Variants in TMEM117 observed in about 807,000 individuals in gnomAD.
TMEM117 encodes the protein transmembrane protein 117.
Under a neutral mutation model 52.4 loss-of-function variants are expected in TMEM117, and 27 were observed. That is an observed-to-expected ratio of 0.51 (90% CI 0.38 to 0.71). The LOEUF (loss-of-function observed/expected upper bound fraction) is 0.71, where lower values mean the gene tolerates loss of function less well. Among genes scored for constraint, TMEM117 ranks in the 30% least tolerant of loss-of-function variants. The pLI is 0.00. For synonymous variants in TMEM117, 215 were observed against 206.3 expected, an observed-to-expected ratio of 1.04 and a Z score of -0.36; for missense variants, 556 against 630.5, an observed-to-expected ratio of 0.88 and a Z score of 1.26.
chr12:43,940,135 T>G (rs1001016759), intron 2 of TMEM117, among the ~76,000 whole-genome samples: 8 of 152,314 alleles, frequency 5.3e-5, no homozygotes, highest in Admixed American at 3.3e-4. Flanking sequence ...CCAACATTCA[T>G]GTAGTCATCC....
intron 5 of TMEM117, among the ~76,000 whole-genome samples, chr12:44,213,670 T>C (rs1464629625): frequency 2.0e-5 from 3 of 152,106 alleles, no homozygotes; most frequent in Non-Finnish European, 4.4e-5. Context: ...GTTCACGTGA[T>C]AGTGAGGTCT....
chr12:43,846,794 T>G (rs77708558), intron 2 of TMEM117, among the ~76,000 whole-genome samples: 5,699 of 152,068 alleles, frequency 0.037, 270 homozygotes, highest in African/African-American at 0.1. Flanking sequence ...TGGTCTAGAG[T>G]TTGGGTTAGA....
At chr12:43,923,658 G>T (rs1944730778) in intron 2 of TMEM117, among the ~76,000 whole-genome samples, 2 of 152,090 alleles carry the variant, frequency 1.3e-5, no homozygotes, top group Non-Finnish European at 2.9e-5. Flanking sequence ...GAAGTTGGAG[G>T]TTTGCATATT....
chr12:44,013,141 G>A (rs1946321659), intron 3 of TMEM117, among the ~76,000 whole-genome samples: 3 of 151,464 alleles, frequency 2.0e-5, no homozygotes, highest in African/African-American at 2.4e-5. Context: ...CGATCCTTCC[G>A]CCTCAGCCTC....
intron 3 of TMEM117, among the ~76,000 whole-genome samples, chr12:43,999,806 T>C (rs140478117): frequency 6.6e-6 from 1 of 152,146 alleles, no homozygotes; most frequent in African/African-American, 2.4e-5. Context: ...ATAGATGGAT[T>C]TTTGAAATTA....
chr12:44,325,685 T>C (rs1023246549), intron 6 of TMEM117, among the ~76,000 whole-genome samples: 1 of 152,194 alleles, frequency 6.6e-6, no homozygotes, highest in African/African-American at 2.4e-5. Context: ...CTGAGTTTTA[T>C]TTGTTGAGAT....
At chr12:44,084,657 C>G (rs1288909363) in intron 3 of TMEM117, among the ~76,000 whole-genome samples, 1 of 152,106 alleles carries the variant, frequency 6.6e-6, no homozygotes, top group Non-Finnish European at 1.5e-5. Context: ...CTTGAATTCC[C>G]AAGATCTGTC....
chr12:44,030,358 C>T lies in TMEM117; in HGVS notation c.410+86016C>T, dbSNP rs769854284. 3.9e-5 allele frequency among the ~76,000 whole-genome samples: 6 copies of T among 152,306 alleles called. No individual in the cohort carries two copies. In the South Asian group the frequency reaches 6.2e-4, roughly 16 times the overall value. On this transcript the variant is annotated intron_variant, in intron 3 of 7. Transcript: ENST00000266534. ...GCCTGGGGACATGTGGAGTTAGCCA[C>T]GCTGTCTAGCTATGCTGGATTCAGC...
At chr12:43,904,688 G>C (rs563078880) in intron 2 of TMEM117, among the ~76,000 whole-genome samples, 1 of 152,148 alleles carries the variant, frequency 6.6e-6, no homozygotes, top group East Asian at 1.9e-4. Flanking sequence ...CCATTTCCCT[G>C]GTCCTAAACA....
At chr12:43,998,681 C>T (rs184803595) in intron 3 of TMEM117, among the ~76,000 whole-genome samples, 7 of 152,274 alleles carry the variant, frequency 4.6e-5, no homozygotes, top group Non-Finnish European at 1.0e-4. Context: ...TTCACCAGAA[C>T]TCCAACAGCA....
chr12:44,097,687 G>A (rs1947792111), intron 3 of TMEM117, among the ~76,000 whole-genome samples: 1 of 148,504 alleles, frequency 6.7e-6, no homozygotes, highest in South Asian at 2.1e-4. Context: ...GACATAGGAA[G>A]GGGAACATCA....
chr12:43,820,581 A>ATT, the TMEM117 span, among the ~76,000 whole-genome samples: 184 of 135,138 alleles, frequency 1.4e-3, 1 homozygote, highest in Non-Finnish European at 2.3e-3. Flanking sequence ...CCACAGGCGT[A>ATT]TTTTTTTTTT....
intron 3 of TMEM117, among the ~76,000 whole-genome samples, chr12:44,128,326 AC>A (rs1474072135): frequency 6.6e-6 from 1 of 152,110 alleles, no homozygotes; most frequent in Non-Finnish European, 1.5e-5. Context: ...TTCTCTTCAC[AC>A]CAGAAGAATT....
intron 3 of TMEM117, among the ~76,000 whole-genome samples, chr12:44,133,977 T>G (rs186914862): frequency 1.8e-4 from 28 of 152,312 alleles, no homozygotes; most frequent in African/African-American, 6.7e-4. Flanking sequence ...ATACCTTTGG[T>G]CTTCAGAAAT....
intron 4 of TMEM117, among the ~76,000 whole-genome samples, chr12:44,174,500 T>C (rs1272953231): frequency 1.3e-5 from 2 of 152,254 alleles, no homozygotes; most frequent in African/African-American, 4.8e-5. Context: ...TTTGTTTTAA[T>C]ATATAACATG....
At chr12:43,989,386 A>T (rs1286226928) in intron 3 of TMEM117, among the ~76,000 whole-genome samples, 1 of 152,058 alleles carries the variant, frequency 6.6e-6, no homozygotes, top group Non-Finnish European at 1.5e-5. Context: ...ACTCATTTGT[A>T]TTTGAAATTT....
rs553580617 is a variant in TMEM117, at chr12:44,382,418, A to G, written c.899-5608A>G. On this transcript the variant is annotated intron_variant, in intron 7 of 7. Coordinates refer to ENST00000266534, the MANE Select transcript of TMEM117 (RefSeq NM_032256.3). ...TTCATCAGATAATTATGATACATGC[A>G]TTTTATTTGAAATGCTAAAACTTCT... Among the ~76,000 whole-genome samples the G allele has an allele frequency of 2.0e-5, 3 of 152,324 alleles. No individual in the cohort carries two copies. The South Asian group carries it at 6.2e-4, about 32-fold the overall frequency.
intron 5 of TMEM117, among the ~76,000 whole-genome samples, chr12:44,289,550 CT>C (rs60675070): frequency 0.01 from 1,234 of 121,932 alleles, 6 homozygotes; most frequent in East Asian, 0.025. Flanking sequence ...TTTCTTTTCT[CT>C]TTTTTTTTTT....
At chr12:44,339,596 C>T (rs929258252) in intron 6 of TMEM117, among the ~76,000 whole-genome samples, 3 of 151,878 alleles carry the variant, frequency 2.0e-5, no homozygotes, top group Non-Finnish European at 4.4e-5. Flanking sequence ...TATCACATAG[C>T]TTTTCTATAA....
Sources: gnomAD v4.1 joint callset for allele counts (sites outside exome capture counted in the v4.1 genomes callset) on GRCh38, gnomAD v4.1.1 for gene constraint, MANE v1.5 for transcripts, NCBI Gene and HGNC (gene_info 2026-07-23, HGNC 2026-07-21) for gene names.